ANKFN1: variants seen among roughly 807,000 people sequenced by gnomAD.
ANKFN1 encodes the protein ankyrin repeat and fibronectin type III domain containing 1, also known as ankyrin repeat and fibronectin type-III domain-containing protein 1.
A neutral mutation model predicts 108.7 loss-of-function variants in ANKFN1; 74 were observed. The ratio of observed to expected loss-of-function variants is 0.68; its 90% CI spans 0.56 to 0.83. The LOEUF (loss-of-function observed/expected upper bound fraction) is 0.83, where lower values mean the gene tolerates loss of function less well. ANKFN1 is among the 40% of genes least tolerant of loss of function. The pLI is 0.00. For missense variants in ANKFN1, 1,505 were observed against 1,382.3 expected (o/e 1.09, Z -1.41); for synonymous variants, 547 against 516.2 (o/e 1.06, Z -0.81).
chr17:56,075,412 C>T (rs1396817775), intron 4 of ANKFN1, among the ~76,000 whole-genome samples: 1 of 152,106 alleles, frequency 6.6e-6, no homozygotes, highest in Non-Finnish European at 1.5e-5. Flanking sequence ...AGTATGCTAA[C>T]AAATTTTAGA....
In ANKFN1 at chr17:56,443,600, ACT is replaced by A. The variant is rs2049187741; in HGVS notation, c.1099+670_1099+671del. Among the ~76,000 whole-genome samples, 4 of 152,170 alleles carry A rather than the reference ACT, an allele frequency of 2.6e-5. No individual in the cohort carries two copies. In the South Asian group the frequency reaches 6.2e-4, roughly 24 times the overall value. ...AGCTAACAAATCTTACTGATCTGAC[ACT>A]CTGTCAGAAAAAAAGCTTTCTTACT... is the stretch of plus-strand genomic sequence containing the variant. On this transcript the variant is annotated intron_variant, in intron 10 of 20. Coordinates refer to ENST00000682825, the MANE Select transcript of ANKFN1 (RefSeq NM_001370326.1).
intron 3 of ANKFN1, among the ~76,000 whole-genome samples, chr17:56,302,300 G>C (rs1363313067): frequency 6.6e-6 from 1 of 152,132 alleles, no homozygotes; most frequent in African/African-American, 2.4e-5. Flanking sequence ...TGAGGCAGGA[G>C]GATCACTTGA....
intron 1 of ANKFN1, among the ~76,000 whole-genome samples, chr17:56,176,912 G>A (rs138826121): frequency 6.6e-6 from 1 of 152,282 alleles, no homozygotes; most frequent in African/African-American, 2.4e-5. Flanking sequence ...AGGACACAAT[G>A]CCTTTTGTCC....
chr17:56,175,179 C>G lies in ANKFN1; in HGVS notation c.-71+21649C>G, dbSNP rs115149395. Among the ~76,000 whole-genome samples, 395 of 152,264 alleles carry G rather than the reference C, an allele frequency of 2.6e-3. 2 individuals carry two copies. Among genetic ancestry groups the G allele is most frequent in the African/African-American group, 9.1e-3 (380 of 41,548 alleles). On this transcript the variant is annotated intron_variant, in intron 1 of 20. Coordinates refer to ENST00000682825, the MANE Select transcript of ANKFN1 (RefSeq NM_001370326.1). ...ATAGTAAGATATCAAAATAAGTGCT[C>G]TATTGATTGAGGACCTACTTCATAT...
chr17:56,335,334 A>G (rs947505135), intron 4 of ANKFN1, among the ~76,000 whole-genome samples: 1 of 152,056 alleles, frequency 6.6e-6, no homozygotes, highest in African/African-American at 2.4e-5. Context: ...CACGATATTG[A>G]TTCTTCCTAA....
At chr17:56,157,306 G>C (rs755656110) in intron 1 of ANKFN1, among the ~76,000 whole-genome samples, 1 of 152,150 alleles carries the variant, frequency 6.6e-6, no homozygotes, top group Non-Finnish European at 1.5e-5. Context: ...GAATGTAGAG[G>C]GCTCAGGAAA....
At chr17:56,253,803 G>C (rs1454151319) in intron 3 of ANKFN1, among the ~76,000 whole-genome samples, 1 of 152,100 alleles carries the variant, frequency 6.6e-6, no homozygotes, top group East Asian at 1.9e-4. Context: ...TGAGGTCCCA[G>C]CTTTATTCAG....
At chr17:56,256,748 A>T (rs952569206) in intron 3 of ANKFN1, among the ~76,000 whole-genome samples, 2 of 152,200 alleles carry the variant, frequency 1.3e-5, no homozygotes, top group African/African-American at 2.4e-5. Context: ...CATTTTACAG[A>T]TAGAAAATTA....
intron 8 of ANKFN1, among the ~76,000 whole-genome samples, chr17:56,382,885 C>T (rs2047148255): frequency 6.6e-6 from 1 of 152,130 alleles, no homozygotes; most frequent in South Asian, 2.1e-4. Context: ...TAATGGGAGA[C>T]TTTAACACCC....
At chr17:56,197,000 G>T (rs1913571691) in intron 1 of ANKFN1, among the ~76,000 whole-genome samples, 1 of 152,174 alleles carries the variant, frequency 6.6e-6, no homozygotes, top group Non-Finnish European at 1.5e-5. Context: ...TTTACTATTG[G>T]ATATTTCCTA....
chr17:56,452,713 T>C (rs982980336), intron 11 of ANKFN1, among the ~76,000 whole-genome samples: 4 of 152,222 alleles, frequency 2.6e-5, no homozygotes, highest in African/African-American at 4.8e-5. Flanking sequence ...AATGCTTGCA[T>C]GTGCCCTTTT....
chr17:56,244,097 G>A (rs1917782538), intron 3 of ANKFN1, among the ~76,000 whole-genome samples: 2 of 151,974 alleles, frequency 1.3e-5, no homozygotes, highest in South Asian at 4.1e-4. Flanking sequence ...CATAGAATGT[G>A]GCATGTGGCA....
Position 56,512,232 on chromosome 17 carries a change from A to G in ANKFN1, c.*963A>G, listed in dbSNP as rs1224899225. Among the ~76,000 whole-genome samples, 2 of 152,218 alleles carry G rather than the reference A, an allele frequency of 1.3e-5. No homozygotes were observed. The highest frequency in any genetic ancestry group is 1.9e-4 in the East Asian group (1 of 5,198). On this transcript the variant is annotated 3_prime_UTR_variant, in exon 21 of 21. Transcript: ENST00000682825. Reference sequence around the variant, plus strand: ...CAGATTCTTTGGTGATGAAATTGTCATTGAACCAGAAAGTGCCCTGCAGAT... The same window carrying G: ...CAGATTCTTTGGTGATGAAATTGTCGTTGAACCAGAAAGTGCCCTGCAGAT...
chr17:56,218,880 T>G (rs2143850689), intron 2 of ANKFN1, among the ~76,000 whole-genome samples: 1 of 152,358 alleles, frequency 6.6e-6, no homozygotes, highest in East Asian at 1.9e-4. Flanking sequence ...TAACTTATTT[T>G]TTCTGCAAAC....
intron 4 of ANKFN1, among the ~76,000 whole-genome samples, chr17:56,094,180 G>A (rs961063787): frequency 6.6e-6 from 1 of 151,042 alleles, no homozygotes; most frequent in East Asian, 1.9e-4. Context: ...ACAGCCCTCA[G>A]AAGGAACCAA....
At chr17:56,434,560 C>T (rs2145131819) in intron 8 of ANKFN1, among the ~76,000 whole-genome samples, 1 of 152,206 alleles carries the variant, frequency 6.6e-6, no homozygotes, top group Middle Eastern at 3.4e-3. Flanking sequence ...AATGCATGCC[C>T]CTGTTCCTAA....
At chr17:56,140,336 A>G (rs1420628574) in intron 4 of ANKFN1, among the ~76,000 whole-genome samples, 1 of 152,190 alleles carries the variant, frequency 6.6e-6, no homozygotes, top group Non-Finnish European at 1.5e-5. Flanking sequence ...GGGTTAAATG[A>G]CTGCATAGTC....
At chr17:56,371,924 C>T (rs2046821875) in intron 6 of ANKFN1, among the ~76,000 whole-genome samples, 1 of 152,140 alleles carries the variant, frequency 6.6e-6, no homozygotes, top group African/African-American at 2.4e-5. Flanking sequence ...GCAAGAGGGG[C>T]TTATATAACT....
chr17:56,386,497 A>T (rs2047275037), intron 8 of ANKFN1, among the ~76,000 whole-genome samples: 1 of 151,816 alleles, frequency 6.6e-6, no homozygotes, highest in South Asian at 2.1e-4. Context: ...TAAAAAAGAA[A>T]AAAAAGAAAA....
Sources: gnomAD v4.1 joint callset for allele counts (sites outside exome capture counted in the v4.1 genomes callset) on GRCh38, gnomAD v4.1.1 for gene constraint, MANE v1.5 for transcripts, NCBI Gene and HGNC (gene_info 2026-07-23, HGNC 2026-07-21) for gene names.